The following ERICH1 variants were observed in gnomAD, a reference collection of about 807,000 sequenced individuals.
ERICH1 encodes the protein glutamate rich 1, also known as glutamate-rich protein 1.
A neutral mutation model predicts 39.6 loss-of-function variants in ERICH1; 56 were observed. That is an observed-to-expected ratio of 1.41 (90% CI 1.14 to 1.77). ERICH1 has a LOEUF of 1.77. Among genes scored for constraint, ERICH1 ranks in the 40% most tolerant of loss-of-function variants. ERICH1 has a pLI of 0.00. For missense variants in ERICH1, 826 were observed against 575.4 expected (o/e 1.44, Z -4.45); for synonymous variants, 313 against 223.6 (o/e 1.40, Z -3.57).
intron 2 of ERICH1, among the ~76,000 whole-genome samples, chr8:699,657 A>AC (rs1811233686): frequency 6.6e-6 from 1 of 152,094 alleles, no homozygotes; most frequent in Non-Finnish European, 1.5e-5. Context: ...AAGCACACAC[A>AC]GGAGCACGTA....
exon 4 of ERICH1, chr8:615,231 G>A (rs1796850080): frequency 1.4e-6 from 1 of 695,288 alleles, no homozygotes; most frequent in South Asian, 1.5e-5. Context: ...GGTTAAGGCA[G>A]CCCCTCTCTC....
At chr8:707,802 T>C (rs772588830) in intron 2 of ERICH1, among the ~76,000 whole-genome samples, 1 of 152,196 alleles carries the variant, frequency 6.6e-6, no homozygotes, top group South Asian at 2.1e-4. Flanking sequence ...AATTGGACTT[T>C]ATCAAAATTA....
At chr8:659,780 G>A (rs1376785037), downstream of ERICH1, among the ~76,000 whole-genome samples, 19 of 25,766 alleles carry the variant, frequency 7.4e-4, no homozygotes, top group African/African-American at 5.1e-3. Flanking sequence ...TCTCCAGTGT[G>A]CACTGACCAT....
chr8:625,861 G>A (rs1333094918), intron 3 of ERICH1: 1 of 152,156 alleles, frequency 6.6e-6, no homozygotes, highest in African/African-American at 2.4e-5. Context: ...TTTCACCTTG[G>A]GCTAAGATGA....
intron 3 of ERICH1, among the ~76,000 whole-genome samples, chr8:628,505 G>C (rs931606699): frequency 6.6e-6 from 1 of 152,310 alleles, no homozygotes; most frequent in South Asian, 2.1e-4. Flanking sequence ...GGCAGCTGGC[G>C]ACCTTGGCCA....
intron 3 of ERICH1, among the ~76,000 whole-genome samples, chr8:681,748 C>A (rs1335104633): frequency 6.6e-6 from 1 of 152,238 alleles, no homozygotes; most frequent in Non-Finnish European, 1.5e-5. Flanking sequence ...AGAAGCCGCA[C>A]TTACATCTGG....
intron 5 of ERICH1, chr8:666,528 G>A (rs1237458451): frequency 6.6e-6 from 1 of 152,346 alleles, no homozygotes; most frequent in African/African-American, 2.4e-5. Context: ...CTTCCTGCTG[G>A]GGCCCCTCCT....
intron 3 of ERICH1, among the ~76,000 whole-genome samples, chr8:630,246 G>T (rs1383511766): frequency 1.6e-5 from 2 of 123,690 alleles, no homozygotes; most frequent in African/African-American, 6.7e-5. Flanking sequence ...AGACAGAGCT[G>T]ACTCACACCC....
intron 5 of ERICH1, 145 bp downstream of exon 5, chr8:668,453 T>C (rs1388592598): frequency 5.5e-6 from 4 of 727,836 alleles, no homozygotes; most frequent in Non-Finnish European, 9.2e-6. Flanking sequence ...AGCCTGTTTC[T>C]CTCTGGGACT....
At chr8:655,698 T>G (rs1016452693) in intron 3 of ERICH1, among the ~76,000 whole-genome samples, 2 of 148,936 alleles carry the variant, frequency 1.3e-5, no homozygotes, top group Non-Finnish European at 3.0e-5. Context: ...CTTCCTTCCT[T>G]CCTTCCTTCT....
At chr8:666,716 T>C (rs1802304185) in intron 5 of ERICH1, 2 of 152,464 alleles carry the variant, frequency 1.3e-5, no homozygotes, top group Non-Finnish European at 2.9e-5. Flanking sequence ...GGCACCTGCA[T>C]AGCTGCCCAG....
intron 1 of ERICH1, among the ~76,000 whole-genome samples, chr8:728,307 C>G (rs1180202836): frequency 1.3e-5 from 2 of 152,202 alleles, no homozygotes; most frequent in Admixed American, 6.5e-5. Flanking sequence ...GCTCTGCTCA[C>G]CAACACGAGA....
chr8:670,580 GGGCTCGAGGGTCA>G (rs1803077606), intron 4 of ERICH1, among the ~76,000 whole-genome samples: 1 of 152,156 alleles, frequency 6.6e-6, no homozygotes, highest in African/African-American at 2.4e-5. Context: ...CTGCTCTGCT[GGGCTCGAGGGTCA>G]GGCCGATCCT....
At chr8:704,794 A>T (rs1812889232) in intron 2 of ERICH1, among the ~76,000 whole-genome samples, 2 of 152,154 alleles carry the variant, frequency 1.3e-5, no homozygotes, top group African/African-American at 4.8e-5. Context: ...AGGAAGCAAC[A>T]GTGTAAGTGC....
intron 3 of ERICH1, among the ~76,000 whole-genome samples, chr8:684,958 A>G (rs1199192988): frequency 6.6e-6 from 1 of 152,230 alleles, no homozygotes; most frequent in Non-Finnish European, 1.5e-5. Flanking sequence ...AGAATTGCTG[A>G]TGAAGTTTCA....
At chr8:624,043 A>G (rs887206181) in intron 3 of ERICH1, among the ~76,000 whole-genome samples, 2 of 152,258 alleles carry the variant, frequency 1.3e-5, no homozygotes, top group Non-Finnish European at 2.9e-5. Context: ...AATAACTTTT[A>G]CAACTCAATA....
intron 1 of ERICH1, among the ~76,000 whole-genome samples, chr8:730,839 C>T (rs1032941526): frequency 1.3e-5 from 2 of 152,208 alleles, no homozygotes; most frequent in African/African-American, 4.8e-5. Flanking sequence ...CCAACAGGGG[C>T]TCTGCTAAGA....
intron 1 of ERICH1, among the ~76,000 whole-genome samples, chr8:719,102 A>G (rs887005819): frequency 6.6e-6 from 1 of 151,898 alleles, no homozygotes; most frequent in Non-Finnish European, 1.5e-5. Context: ...CCCTGGGGCC[A>G]CTGCCTGGGC....
intron 3 of ERICH1, among the ~76,000 whole-genome samples, chr8:658,464 G>GCCAAACCCCTCTTC (rs1406328682): frequency 2.0e-5 from 3 of 152,184 alleles, no homozygotes; most frequent in Non-Finnish European, 4.4e-5. Flanking sequence ...GGCACTGTGG[G>GCCAAACCCCTCTTC]CCAAACCCCT....
Sources: gnomAD v4.1 joint callset for allele counts (sites outside exome capture counted in the v4.1 genomes callset) on GRCh38, gnomAD v4.1.1 for gene constraint, MANE v1.5 for transcripts, NCBI Gene and HGNC (gene_info 2026-07-23, HGNC 2026-07-21) for gene names.